Variants in ASIC2 observed in about 807,000 individuals in gnomAD.
ASIC2 encodes acid-sensing ion channel 2.
In ASIC2, 25 loss-of-function variants were observed where a neutral mutation model predicts 57.3. The ratio of observed to expected loss-of-function variants is 0.44; its 90% CI spans 0.32 to 0.61. ASIC2 has a LOEUF of 0.61. Ranked by LOEUF, ASIC2 falls within the 20% of genes least tolerant of loss-of-function variation. ASIC2 has a pLI of 0.06. For missense variants in ASIC2, 641 were observed against 738.1 expected, an observed-to-expected ratio of 0.87 and a Z score of 1.52; for synonymous variants, 319 against 307.5, an observed-to-expected ratio of 1.04 and a Z score of -0.39.
intron 1 of ASIC2, among the ~76,000 whole-genome samples, chr17:33,417,984 G>T (rs1315000060): frequency 1.3e-5 from 2 of 150,236 alleles, no homozygotes; most frequent in Non-Finnish European, 3.0e-5. Flanking sequence ...AGCTATCTTG[G>T]AATCGGGAGC....
intron 1 of ASIC2, among the ~76,000 whole-genome samples, chr17:33,157,877 A>G (rs1905051113): frequency 6.6e-6 from 1 of 152,230 alleles, no homozygotes; most frequent in Non-Finnish European, 1.5e-5. Flanking sequence ...TGCAAAAGGT[A>G]GACTCTCTGA....
intron 1 of ASIC2, among the ~76,000 whole-genome samples, chr17:33,651,642 A>T (rs966251297): frequency 6.6e-6 from 1 of 152,222 alleles, no homozygotes; most frequent in Non-Finnish European, 1.5e-5. Context: ...TCTAGAGCCC[A>T]TGCTCGCACT....
chr17:33,534,039 G>C (rs896662684), intron 1 of ASIC2: 2 of 152,066 alleles, frequency 1.3e-5, no homozygotes, highest in Non-Finnish European at 2.9e-5. Flanking sequence ...TTACGGGGAG[G>C]TATTCATAAT....
At chr17:33,178,352 A>G (rs1206855279) in intron 1 of ASIC2, among the ~76,000 whole-genome samples, 4 of 152,240 alleles carry the variant, frequency 2.6e-5, no homozygotes, top group Admixed American at 6.5e-5. Context: ...AGACATGTAA[A>G]CAACTGTGTG....
At chr17:33,107,955 G>A (rs2092241808) in intron 2 of ASIC2, among the ~76,000 whole-genome samples, 2 of 152,192 alleles carry the variant, frequency 1.3e-5, no homozygotes, top group African/African-American at 4.8e-5. Context: ...TGTCTTAGGT[G>A]TGGGATATTT....
intron 1 of ASIC2, among the ~76,000 whole-genome samples, chr17:33,131,414 T>C (rs2092345485): frequency 6.6e-6 from 1 of 152,176 alleles, no homozygotes; most frequent in South Asian, 2.1e-4. Flanking sequence ...TGTGTTCATA[T>C]TGCTAGGACA....
chr17:33,087,035 A>C (rs1437895461), intron 3 of ASIC2, among the ~76,000 whole-genome samples: 1 of 152,188 alleles, frequency 6.6e-6, no homozygotes, highest in Non-Finnish European at 1.5e-5. Flanking sequence ...TCCCTACTGC[A>C]AAAGTAAATA....
At chr17:33,068,880 G>A (rs576679935) in intron 3 of ASIC2, among the ~76,000 whole-genome samples, 1 of 151,944 alleles carries the variant, frequency 6.6e-6, no homozygotes, top group East Asian at 1.9e-4. Flanking sequence ...GCTTAGTGTT[G>A]GCTCAATTTG....
chr17:34,109,624 C>A (rs547941569), intron 1 of ASIC2, among the ~76,000 whole-genome samples: 5 of 152,244 alleles, frequency 3.3e-5, no homozygotes, highest in African/African-American at 1.2e-4. Context: ...TTACACACAC[C>A]CAAACACATG....
intron 1 of ASIC2, among the ~76,000 whole-genome samples, chr17:33,324,472 A>G (rs1906989110): frequency 6.6e-6 from 1 of 151,912 alleles, no homozygotes; most frequent in Admixed American, 6.6e-5. Flanking sequence ...CTGTAGCAGG[A>G]TACAGTATAT....
At chr17:33,535,992 C>T (rs538583669) in intron 1 of ASIC2, among the ~76,000 whole-genome samples, 11 of 152,300 alleles carry the variant, frequency 7.2e-5, no homozygotes, top group Admixed American at 3.9e-4. Flanking sequence ...AGTCTTGTTT[C>T]CGAGGTGCAT....
At chr17:33,821,700 GAA>G (rs1437030845) in intron 1 of ASIC2, among the ~76,000 whole-genome samples, 2 of 152,204 alleles carry the variant, frequency 1.3e-5, no homozygotes, top group Non-Finnish European at 2.9e-5. Context: ...AGTCAGTCCT[GAA>G]ACAGATTCAT....
intron 2 of ASIC2, among the ~76,000 whole-genome samples, chr17:33,096,512 A>T (rs1301468435): frequency 6.6e-6 from 1 of 152,230 alleles, no homozygotes; most frequent in Non-Finnish European, 1.5e-5. Flanking sequence ...GATTTATGGC[A>T]TCATTTCTCC....
chr17:34,124,720 T>G (rs190852809), intron 1 of ASIC2, among the ~76,000 whole-genome samples: 8 of 152,180 alleles, frequency 5.3e-5, no homozygotes, highest in African/African-American at 1.7e-4. Flanking sequence ...TCCCAGTTTA[T>G]ACGTGGCTGC....
chr17:33,526,501 G>A (rs1236932212), intron 1 of ASIC2, among the ~76,000 whole-genome samples: 1 of 152,172 alleles, frequency 6.6e-6, no homozygotes, highest in Non-Finnish European at 1.5e-5. Context: ...GACAGATCCA[G>A]GCTCTTCTGC....
At chr17:33,469,573 C>A (rs1199984110) in intron 1 of ASIC2, among the ~76,000 whole-genome samples, 1 of 152,082 alleles carries the variant, frequency 6.6e-6, no homozygotes, top group Non-Finnish European at 1.5e-5. Flanking sequence ...CCCTCTGGAG[C>A]CAGCAGAGAA....
At chr17:33,981,119 T>A in intron 1 of ASIC2, among the ~76,000 whole-genome samples, 1 of 151,828 alleles carries the variant, frequency 6.6e-6, no homozygotes, top group Non-Finnish European at 1.5e-5. Flanking sequence ...TTCTTTCATT[T>A]TTTTTGTATT....
chr17:33,291,224 G>T (rs772266671), intron 1 of ASIC2, 184 bp downstream of exon 1: 401 of 1,327,406 alleles, frequency 3.0e-4, no homozygotes, highest in Non-Finnish European at 3.5e-4. Context: ...CTACAGTTAA[G>T]TCCAAGTTCC....
intron 1 of ASIC2, among the ~76,000 whole-genome samples, chr17:33,192,687 GC>G (rs1362166018): frequency 2.0e-5 from 3 of 152,106 alleles, no homozygotes; most frequent in African/African-American, 7.2e-5. Context: ...ATTCCATCCA[GC>G]CCCATGACAT....
Sources: allele counts gnomAD v4.1 joint callset (sites outside exome capture counted in the v4.1 genomes callset), GRCh38; gene constraint gnomAD v4.1.1; transcripts MANE v1.5; gene names NCBI Gene and HGNC (gene_info 2026-07-23, HGNC 2026-07-21).